Variants in IQGAP1 observed in about 807,000 individuals in gnomAD.
The protein encoded by IQGAP1 is IQ motif containing GTPase activating protein 1.
IQGAP1 carries 66 observed loss-of-function variants against 215.6 expected under a neutral mutation model. The observed-to-expected ratio is 0.31, with a 90% CI of 0.25 to 0.38. The LOEUF (loss-of-function observed/expected upper bound fraction) is 0.38, where lower values mean the gene tolerates loss of function less well. Among genes scored for constraint, IQGAP1 ranks in the 10% least tolerant of loss-of-function variants. IQGAP1 has a pLI of 1.00. For missense variants in IQGAP1, 1,712 were observed against 1,997.1 expected (o/e 0.86, Z 2.72); for synonymous variants, 772 against 728.7 (o/e 1.06, Z -0.96).
chr15:90,426,021 C>G (rs1965216396), intron 2 of IQGAP1, 89 bp from the exon 3 acceptor site: 2 of 1,294,798 alleles, frequency 1.5e-6, no homozygotes, highest in Admixed American at 2.6e-5. Context: ...TTAAGCTTCT[C>G]CAAGGAGAAT....
chr15:90,484,663 C>T (rs1259900171), intron 30 of IQGAP1, among the ~76,000 whole-genome samples: 5 of 152,200 alleles, frequency 3.3e-5, no homozygotes, highest in South Asian at 2.1e-4. Flanking sequence ...CACCCGCCAC[C>T]GTGCCTGGCT....
chr15:90,431,881 C>A (rs1449489562), intron 4 of IQGAP1, among the ~76,000 whole-genome samples: 1 of 152,028 alleles, frequency 6.6e-6, no homozygotes, highest in Non-Finnish European at 1.5e-5. Context: ...TGGTTCTTAT[C>A]CTTTTTGACT....
At chr15:90,422,612 A>ATATATATATATG in intron 2 of IQGAP1, among the ~76,000 whole-genome samples, 1 of 79,328 alleles carries the variant, frequency 1.3e-5, no homozygotes, top group African/African-American at 6.6e-5. Flanking sequence ...TCTCATTCAT[A>ATATATATATATG]TATATATATA....
At chr15:90,434,938 A>T (rs1965350234) in intron 5 of IQGAP1, among the ~76,000 whole-genome samples, 1 of 152,196 alleles carries the variant, frequency 6.6e-6, no homozygotes, top group South Asian at 2.1e-4. Flanking sequence ...AGCAAGTGGG[A>T]CATGAGTGAG....
Position 90,466,057 on chromosome 15 carries a change from G to T in IQGAP1, c.1833G>T (p.Trp611Cys). 1 of 1,614,088 alleles carries T rather than the reference G, an allele frequency of 6.2e-7. No homozygotes were observed. Among genetic ancestry groups the T allele is most frequent in the Non-Finnish European group, 8.5e-7 (1 of 1,179,988 alleles). Residue 611 changes from tryptophan (W) to cysteine (C), a missense_variant, in exon 16 of 38, where the codon TGG becomes TGT. Physicochemically the swap from Trp to Cys is radical, Grantham distance 215. This residue lies in a region of IQGAP1 where 1,021 missense variants were observed against 1,074.2 expected (regional missense o/e 0.95). Coordinates refer to ENST00000268182, the MANE Select transcript of IQGAP1 (RefSeq NM_003870.4). The part of the protein sequence containing the change: ...LWLDEIQGGI[W>C]QSNKDTQEAQ... ...TGGATGAAATTCAAGGTGGAATCTGGCAGTCCAACAAAGACACCCAAGAAG... is the reference window on the plus strand; with the variant it reads ...TGGATGAAATTCAAGGTGGAATCTGTCAGTCCAACAAAGACACCCAAGAAG...
chr15:90,416,213 G>A (rs1366982266), intron 2 of IQGAP1, among the ~76,000 whole-genome samples: 1 of 149,730 alleles, frequency 6.7e-6, no homozygotes, highest in African/African-American at 2.5e-5. Flanking sequence ...ATGTTCCCAT[G>A]TCCCTACAAA....
chr15:90,466,079 G>T lies in IQGAP1; in HGVS notation c.1855G>T (p.Glu619Ter). The change falls in exon 16 of 38, where the codon GAA becomes TAA. Residue 619 changes from glutamate (E) to a stop codon, truncating the protein, a stop_gained. Coordinates refer to ENST00000268182, the MANE Select transcript of IQGAP1 (RefSeq NM_003870.4). LOFTEE classifies it high-confidence loss of function. ...CTGGCAGTCCAACAAAGACACCCAA[G>T]AAGCACAGAAGTGTATGTATCACCT... ...GIWQSNKDTQ[E>*]AQKFALGIFA... is the part of the protein sequence containing the mutation. 1 of 1,614,044 alleles carries T rather than the reference G, an allele frequency of 6.2e-7. No homozygotes were observed. Among genetic ancestry groups the T allele is most frequent in the Non-Finnish European group, 8.5e-7 (1 of 1,179,904 alleles).
chr15:90,433,830 T>C (rs1400412917), intron 5 of IQGAP1, 35 bp downstream of exon 5: 3 of 1,257,548 alleles, frequency 2.4e-6, no homozygotes, highest in Non-Finnish European at 3.4e-6. Context: ...AAGGAAATTA[T>C]GAATAACATC....
At chr15:90,407,313 G>T (rs754783340) in intron 2 of IQGAP1, among the ~76,000 whole-genome samples, 1 of 152,166 alleles carries the variant, frequency 6.6e-6, no homozygotes, top group Non-Finnish European at 1.5e-5. Flanking sequence ...AGATTTAGAA[G>T]AAATATAAAA....
chr15:90,462,065 G>C (rs1965771874), intron 15 of IQGAP1, among the ~76,000 whole-genome samples: 1 of 152,114 alleles, frequency 6.6e-6, no homozygotes, highest in Admixed American at 6.5e-5. Flanking sequence ...CTACTCGGGA[G>C]GCTGAGGCAG....
chr15:90,456,843 G>A (rs1765626009), intron 15 of IQGAP1, among the ~76,000 whole-genome samples: 1 of 150,366 alleles, frequency 6.7e-6, no homozygotes. Flanking sequence ...AGCCGAGATT[G>A]CGCCACTGCA....
At chr15:90,465,739 A>C (rs565757437) in intron 15 of IQGAP1, among the ~76,000 whole-genome samples, 1 of 151,820 alleles carries the variant, frequency 6.6e-6, no homozygotes, top group African/African-American at 2.4e-5. Flanking sequence ...TATGTTGCCC[A>C]GGCTGGTCTC....
At chr15:90,456,896 AT>A (rs1378171086) in intron 15 of IQGAP1, among the ~76,000 whole-genome samples, 70 of 116,246 alleles carry the variant, frequency 6.0e-4, no homozygotes, top group East Asian at 5.1e-3. Context: ...TCAAAAAAAT[AT>A]ATATATATAT....
At chr15:90,465,430 C>G (rs996864032) in intron 15 of IQGAP1, among the ~76,000 whole-genome samples, 1 of 152,216 alleles carries the variant, frequency 6.6e-6, no homozygotes, top group Admixed American at 6.5e-5. Context: ...TCTAGCTGTT[C>G]ACAACTTCCT....
In IQGAP1 at chr15:90,409,292, C is replaced by G. The variant is rs563967345; in HGVS notation, c.156-16818C>G. Among the ~76,000 whole-genome samples, 10 of 143,916 alleles carry G rather than the reference C, an allele frequency of 6.9e-5. No homozygotes were observed. In the South Asian group the frequency reaches 1.3e-3, roughly 19 times the overall value. 94.4% of individuals were successfully genotyped at this position (143,916 alleles called of 152,430 possible). A position where few individuals can be genotyped will look rare whatever the true frequency, so the allele number is the denominator to read the frequency against. Reference sequence around the variant, plus strand: ...TGGCTCTATCACTCAGGCTGGAGTGCAGTGGCACGATCTCGGTTCATTGCA... The same window carrying G: ...TGGCTCTATCACTCAGGCTGGAGTGGAGTGGCACGATCTCGGTTCATTGCA... On this transcript the variant is annotated intron_variant, in intron 2 of 37. Transcript: ENST00000268182.
intron 2 of IQGAP1, among the ~76,000 whole-genome samples, chr15:90,394,803 C>T (rs1488615694): frequency 2.0e-5 from 2 of 98,988 alleles, no homozygotes; most frequent in Non-Finnish European, 3.7e-5. Flanking sequence ...AATACCTCTA[C>T]TTCTACTAAA....
At chr15:90,429,772 G>C in intron 4 of IQGAP1, 106 bp downstream of exon 4, 1 of 648,766 alleles carries the variant, frequency 1.5e-6, no homozygotes, top group Non-Finnish European at 2.6e-6. Flanking sequence ...AGAATCTTTG[G>C]TGTTTTTTTA....
intron 2 of IQGAP1, among the ~76,000 whole-genome samples, chr15:90,407,671 A>G (rs2151005786): frequency 6.6e-6 from 1 of 152,328 alleles, no homozygotes; most frequent in East Asian, 1.9e-4. Flanking sequence ...TTCCTGTGTT[A>G]TTAAAAACTA....
In IQGAP1 at chr15:90,464,524, CA is replaced by C. The variant is rs754922877; in HGVS notation, c.1777-1474del. 2.6e-5 allele frequency among the ~76,000 whole-genome samples: 4 copies of C among 152,106 alleles called. No individual in the cohort carries two copies. In the East Asian group the frequency reaches 5.8e-4, roughly 22 times the overall value. On this transcript the variant is annotated intron_variant, in intron 15 of 37. Transcript: ENST00000268182. Reference sequence around the variant, plus strand: ...GGGGCTAATCCATAAGCTACTTCCCCAAATTGAAATATGGCAGCCACATTCT... The same window carrying C: ...GGGGCTAATCCATAAGCTACTTCCCCAATTGAAATATGGCAGCCACATTCT...
Sources: allele counts gnomAD v4.1 joint callset (sites outside exome capture counted in the v4.1 genomes callset), GRCh38; gene constraint gnomAD v4.1.1; regional missense constraint gnomAD v4.1.1; transcripts MANE v1.5; gene names NCBI Gene and HGNC (gene_info 2026-07-23, HGNC 2026-07-21).